HIVEP3: variants seen among roughly 807,000 people sequenced by gnomAD.
The protein encoded by HIVEP3 is transcription factor HIVEP3.
Under a neutral mutation model 152.8 loss-of-function variants are expected in HIVEP3, and 49 were observed. The observed-to-expected ratio is 0.32, with a 90% confidence interval of 0.26 to 0.41. The LOEUF (loss-of-function observed/expected upper bound fraction) is 0.41, where lower values mean the gene tolerates loss of function less well. Ranked by LOEUF, HIVEP3 falls within the 10% of genes least tolerant of loss-of-function variation. The pLI, the probability that HIVEP3 is intolerant of heterozygous loss-of-function variation, is 1.00. For missense variants in HIVEP3, 2,790 were observed against 3,103.3 expected, an observed-to-expected ratio of 0.90 and a Z score of 2.40; for synonymous variants, 1,269 against 1,289.0, an observed-to-expected ratio of 0.98 and a Z score of 0.33.
At chr1:41,764,963 A>C (rs1246776599) in intron 1 of HIVEP3, among the ~76,000 whole-genome samples, 1 of 152,202 alleles carries the variant, frequency 6.6e-6, no homozygotes, top group Non-Finnish European at 1.5e-5. Context: ...GATAGATGCT[A>C]GGTGCCCATC....
intron 2 of HIVEP3, among the ~76,000 whole-genome samples, chr1:41,691,883 AT>A (rs34731891): frequency 0.49 from 69,796 of 142,948 alleles, 17,714 homozygotes; most frequent in East Asian, 0.74. Flanking sequence ...AGAGTGGTGA[AT>A]TTTTTTTTTT....
chr1:41,633,862 G>A (rs1645232018), intron 2 of HIVEP3, among the ~76,000 whole-genome samples: 1 of 152,036 alleles, frequency 6.6e-6, no homozygotes, highest in Admixed American at 6.6e-5. Flanking sequence ...CCCTCCCTTC[G>A]GCAAGTGAGT....
At chr1:41,688,565 C>T (rs1646147307) in intron 2 of HIVEP3, among the ~76,000 whole-genome samples, 1 of 152,240 alleles carries the variant, frequency 6.6e-6, no homozygotes, top group Non-Finnish European at 1.5e-5. Context: ...AAAGTCACAA[C>T]TCCCACTGTG....
intron 1 of HIVEP3, chr1:41,869,417 G>C (rs1369303156): frequency 6.6e-6 from 1 of 152,222 alleles, no homozygotes; most frequent in African/African-American, 2.4e-5. Context: ...ACATGCCATG[G>C]AGGCCCCAGA....
intron 3 of HIVEP3, among the ~76,000 whole-genome samples, chr1:41,606,983 T>C (rs574913202): frequency 2.6e-5 from 4 of 152,092 alleles, no homozygotes; most frequent in African/African-American, 4.8e-5. Context: ...TGTGTTTCTT[T>C]TTTTTTTATT....
chr1:41,549,718 GTTGT>G (rs1237291539), intron 5 of HIVEP3, among the ~76,000 whole-genome samples: 1 of 152,106 alleles, frequency 6.6e-6, no homozygotes, highest in Non-Finnish European at 1.5e-5. Context: ...TTTTGATGGG[GTTGT>G]TTGTTTTTTT....
At chr1:41,983,310 C>T (rs1470120651) in intron 1 of HIVEP3, among the ~76,000 whole-genome samples, 1 of 152,084 alleles carries the variant, frequency 6.6e-6, no homozygotes, top group East Asian at 1.9e-4. Context: ...AAACCATGAC[C>T]GATCCAAATC....
intron 1 of HIVEP3, among the ~76,000 whole-genome samples, chr1:41,895,164 CAGCTGCTGA>C (rs1553130258): frequency 6.6e-6 from 1 of 152,214 alleles, no homozygotes; most frequent in Non-Finnish European, 1.5e-5. Context: ...CTGAGAGGTG[CAGCTGCTGA>C]AGACCAGGGT....
chr1:41,850,274 C>A, intron 1 of HIVEP3, among the ~76,000 whole-genome samples: 1 of 152,088 alleles, frequency 6.6e-6, no homozygotes, highest in Admixed American at 6.5e-5. Context: ...ATGACTCACT[C>A]GCACTCAGCC....
At position 41,608,135 on chromosome 1, in the gene HIVEP3, G is replaced by T. The variant is rs185941840; in HGVS notation, c.-522+20614C>A. On this transcript the variant is annotated intron_variant, in intron 3 of 8. Transcript: ENST00000372583. ...CTAACTACATAGGGCTTCCCGTGAG[G>T]TGTCTCGTCTATTTCTCTGACCAGT... Among the ~76,000 whole-genome samples the T allele has an allele frequency of 5.6e-4, 85 of 152,314 alleles. 1 individual carries two copies. Among genetic ancestry groups the T allele is most frequent in the African/African-American group, 1.9e-3 (77 of 41,560 alleles).
intron 1 of HIVEP3, among the ~76,000 whole-genome samples, chr1:41,838,298 A>G (rs1643186450): frequency 6.6e-6 from 1 of 152,164 alleles, no homozygotes; most frequent in South Asian, 2.1e-4. Context: ...GAGCATTTCC[A>G]TCGCACAAGG....
chr1:41,706,545 G>A (rs1393090327), intron 1 of HIVEP3, among the ~76,000 whole-genome samples: 1 of 152,256 alleles, frequency 6.6e-6, no homozygotes, highest in East Asian at 1.9e-4. Context: ...GCCTTCCAAA[G>A]TGCTGGGATT....
At chr1:41,949,588 T>C (rs1645094543) in intron 1 of HIVEP3, among the ~76,000 whole-genome samples, 1 of 152,130 alleles carries the variant, frequency 6.6e-6, no homozygotes, top group East Asian at 1.9e-4. Context: ...GCATACAACA[T>C]AGAGCAGAGG....
rs769960242 is a variant in HIVEP3, at chr1:42,033,358, G to A, written n.119+2449C>T. ...AATTACAAAAGTAACACTCCTTGGTGCAACAAAATAAAACAACACTGAAGT... is the reference window on the plus strand; with the variant it reads ...AATTACAAAAGTAACACTCCTTGGTACAACAAAATAAAACAACACTGAAGT... On this transcript the variant is annotated intron_variant and non_coding_transcript_variant, in intron 1 of 3. Coordinates refer to the HIVEP3 transcript ENST00000489103. 1.3e-4 allele frequency among the ~76,000 whole-genome samples: 20 copies of A among 152,054 alleles called. 1 individual carries two copies. Among genetic ancestry groups the A allele is most frequent in the South Asian group, 1.0e-3 (5 of 4,816 alleles).
At position 41,628,769 on chromosome 1, in the gene HIVEP3, C is replaced by A. The variant is rs1487938212; in HGVS notation, c.-542G>T. On this transcript the variant is annotated 5_prime_UTR_variant, in exon 3 of 9. Transcript: ENST00000372583. ...CCTACCTGTGCTGAAGGCACCACTT[C>A]CGATGACCAAAACTGAAACGCTGTT... 3 of 1,232,228 alleles carry A rather than the reference C, an allele frequency of 2.4e-6. No homozygotes were observed. Among genetic ancestry groups the A allele is most frequent in the East Asian group, 6.3e-5 (2 of 31,714 alleles). The allele number at this position is 1,232,228 out of a possible 1,614,324, so 76.3% of individuals were successfully genotyped here.
chr1:41,602,696 G>A (rs1429231564), intron 3 of HIVEP3, among the ~76,000 whole-genome samples: 2 of 151,764 alleles, frequency 1.3e-5, no homozygotes, highest in South Asian at 2.1e-4. Context: ...TAGTTTCATT[G>A]ATTTTTTTCC....
At chr1:41,907,210 A>G (rs1644727319) in intron 1 of HIVEP3, among the ~76,000 whole-genome samples, 1 of 152,220 alleles carries the variant, frequency 6.6e-6, no homozygotes, top group South Asian at 2.1e-4. Flanking sequence ...TCTTTGTCCA[A>G]GAAAAACATG....
At chr1:41,722,428 C>T (rs944764347) in intron 1 of HIVEP3, among the ~76,000 whole-genome samples, 1 of 148,870 alleles carries the variant, frequency 6.7e-6, no homozygotes, top group African/African-American at 2.5e-5. Context: ...TTCCTTCCTT[C>T]CTTCCTTCCT....
chr1:41,535,500 G>A (rs918461850), intron 5 of HIVEP3: 3 of 152,262 alleles, frequency 2.0e-5, no homozygotes, highest in Non-Finnish European at 4.4e-5. Flanking sequence ...CCTGTTCTGA[G>A]GCTGCAAGAC....
Sources: allele counts gnomAD v4.1 joint callset (sites outside exome capture counted in the v4.1 genomes callset), GRCh38; gene constraint gnomAD v4.1.1; transcripts MANE v1.5; gene names NCBI Gene and HGNC (gene_info 2026-07-23, HGNC 2026-07-21).